TLE4: variants seen among roughly 807,000 people sequenced by gnomAD.
The protein encoded by TLE4 is TLE family member 4, transcriptional corepressor.
A neutral mutation model predicts 92.8 loss-of-function variants in TLE4; 8 were observed. The ratio of observed to expected loss-of-function variants is 0.09; its 90% CI spans 0.05 to 0.16. The LOEUF is 0.16. Ranked by LOEUF, TLE4 falls within the 10% of genes least tolerant of loss-of-function variation. The pLI, the probability that TLE4 is intolerant of heterozygous loss-of-function variation, is 1.00. For missense variants in TLE4, 675 were observed against 997.6 expected (o/e 0.68, Z 4.36); for synonymous variants, 371 against 374.1 (o/e 0.99, Z 0.10).
rs528525106 is a variant in TLE4, at chr9:79,674,110, G to A, written c.609+20035G>A. 1.8e-4 allele frequency among the ~76,000 whole-genome samples: 28 copies of A among 152,246 alleles called. 1 individual carries two copies. In the South Asian group the frequency reaches 5.4e-3, roughly 29 times the overall value. On this transcript the variant is annotated intron_variant, in intron 8 of 19. Coordinates refer to ENST00000376552, the MANE Select transcript of TLE4 (RefSeq NM_007005.6). ...GTTTATTGCTTTTCTCAATGTTTAA[G>A]GAAAACCACTAGAAGGCTGCTTAGT...
Position 79,708,231 on chromosome 9 carries a change from A to G in TLE4, c.1050A>G (p.Pro350=), listed in dbSNP as rs768543489. 3 of 1,613,924 alleles carry G rather than the reference A, an allele frequency of 1.9e-6. No individual in the cohort carries two copies. Among genetic ancestry groups the G allele is most frequent in the African/African-American group, 2.7e-5 (2 of 74,880 alleles). The part of the protein sequence containing the change: ...TPGLRPVPGK[P]PGVDPLASSL... ...GATTGAGGCCTGTACCTGGAAAACCACCAGGAGTTGACCCTTTGGGTTAGT... is the reference window on the plus strand; with the variant it reads ...GATTGAGGCCTGTACCTGGAAAACCGCCAGGAGTTGACCCTTTGGGTTAGT... Residue 350 remains proline (P), a synonymous_variant, in exon 12 of 20, where the codon CCA becomes CCG. Coordinates refer to ENST00000376552, the MANE Select transcript of TLE4 (RefSeq NM_007005.6).
chr9:79,607,134 AT>A (rs2047209087), intron 4 of TLE4, among the ~76,000 whole-genome samples: 1 of 152,022 alleles, frequency 6.6e-6, no homozygotes, highest in South Asian at 2.1e-4. Context: ...AGTGATGAGC[AT>A]TTTTTCATAT....
chr9:79,709,651 G>C lies in TLE4; in HGVS notation c.1292G>C (p.Arg431Pro). 1 of 1,614,040 alleles carries C rather than the reference G, an allele frequency of 6.2e-7. No individual in the cohort carries two copies. Among genetic ancestry groups the C allele is most frequent in the Non-Finnish European group, 8.5e-7 (1 of 1,179,982 alleles). The change falls in exon 14 of 20, where the codon CGT becomes CCT. Residue 431 changes from arginine to proline, a missense_variant. Transcript: ENST00000376552. ...VVGFDPHHHM[R>P]VPAIPPNLTG... The stretch of plus-strand genomic sequence containing the variant: ...GGATTTGATCCACACCATCACATGC[G>C]TGTGCCAGCAATACCTCCAAACCTG...
chr9:79,711,193 T>TC (rs2073190279), intron 14 of TLE4, among the ~76,000 whole-genome samples: 1 of 152,224 alleles, frequency 6.6e-6, no homozygotes, highest in South Asian at 2.1e-4. Flanking sequence ...CAGTGCTGGC[T>TC]CCACAGCCAA....
At chr9:79,631,735 G>A (rs1036135666) in intron 6 of TLE4, among the ~76,000 whole-genome samples, 8 of 148,270 alleles carry the variant, frequency 5.4e-5, no homozygotes, top group African/African-American at 2.0e-4. Context: ...CTTCTTTTCC[G>A]TTATAGATTT....
intron 6 of TLE4, among the ~76,000 whole-genome samples, chr9:79,651,146 C>T (rs114180470): frequency 0.011 from 1,673 of 151,952 alleles, 38 homozygotes; most frequent in African/African-American, 0.038. Flanking sequence ...TTGGCTATCA[C>T]AGGTTAGGCC....
chr9:79,647,145 C>T (rs2058224526), intron 6 of TLE4, among the ~76,000 whole-genome samples: 1 of 152,052 alleles, frequency 6.6e-6, no homozygotes, highest in Non-Finnish European at 1.5e-5. Context: ...CATAAAGTCT[C>T]TAGTTTGGTG....
intron 8 of TLE4, among the ~76,000 whole-genome samples, chr9:79,656,508 A>G (rs967723252): frequency 7.2e-5 from 11 of 152,204 alleles, no homozygotes; most frequent in African/African-American, 2.7e-4. Context: ...CCATCTGTCA[A>G]AAGGAAATTT....
At chr9:79,661,251 A>G (rs1303805585) in intron 8 of TLE4, among the ~76,000 whole-genome samples, 1 of 152,198 alleles carries the variant, frequency 6.6e-6, no homozygotes, top group Non-Finnish European at 1.5e-5. Context: ...TTACAGTAAC[A>G]CTAACCCCAC....
chr9:79,649,259 GACAT>G (rs1164642909), intron 6 of TLE4, among the ~76,000 whole-genome samples: 88 of 109,736 alleles, frequency 8.0e-4, no homozygotes, highest in African/African-American at 2.7e-3. Flanking sequence ...GACAGGGACG[GACAT>G]ACATACATAC....
chr9:79,687,563 C>T (rs932124563), intron 8 of TLE4, among the ~76,000 whole-genome samples: 3 of 152,208 alleles, frequency 2.0e-5, no homozygotes. Context: ...TCTCAGCCTA[C>T]ATCAAATATA....
intron 8 of TLE4, among the ~76,000 whole-genome samples, chr9:79,672,868 A>G (rs907195248): frequency 6.6e-6 from 1 of 152,216 alleles, no homozygotes; most frequent in Non-Finnish European, 1.5e-5. Flanking sequence ...GAAGGACCAG[A>G]TAAAGTGGAA....
intron 6 of TLE4, among the ~76,000 whole-genome samples, chr9:79,629,080 TAGGAG>T (rs1251101986): frequency 6.6e-6 from 1 of 152,174 alleles, no homozygotes; most frequent in Non-Finnish European, 1.5e-5. Flanking sequence ...TGATCCCTGA[TAGGAG>T]AGGTTGCTGG....
chr9:79,708,018 C>T, intron 11 of TLE4, 100 bp from the exon 12 acceptor site: 15 of 1,267,386 alleles, frequency 1.2e-5, no homozygotes, highest in Non-Finnish European at 1.6e-5. Context: ...GAACCTCTTC[C>T]ATTTCTTTTC....
intron 4 of TLE4, among the ~76,000 whole-genome samples, chr9:79,600,523 T>G (rs1007125036): frequency 1.3e-5 from 2 of 152,128 alleles, no homozygotes; most frequent in Non-Finnish European, 2.9e-5. Context: ...AGTAAAAACT[T>G]CCTAATAATT....
At position 79,725,167 on chromosome 9, in the gene TLE4, G is replaced by A; in HGVS notation, c.*23G>A. On this transcript the variant is annotated 3_prime_UTR_variant, in exon 20 of 20. Coordinates refer to ENST00000376552, the MANE Select transcript of TLE4 (RefSeq NM_007005.6). ...TAAAGACAAATCTTCATGCAGACTG[G>A]ACTTCTCCTCCTGGTAGCACTTTGC... is the stretch of plus-strand genomic sequence containing the variant. The A allele has an allele frequency of 6.4e-7, 1 of 1,554,268 alleles. No homozygotes were observed. The highest frequency in any genetic ancestry group is 1.7e-5 in the Admixed American group (1 of 59,860).
At chr9:79,655,091 GA>G (rs1350009807) in intron 8 of TLE4, among the ~76,000 whole-genome samples, 1 of 152,154 alleles carries the variant, frequency 6.6e-6, no homozygotes, top group Non-Finnish European at 1.5e-5. Context: ...GCAGTGAGCC[GA>G]GATCATGCCA....
intron 4 of TLE4, among the ~76,000 whole-genome samples, chr9:79,609,022 A>C (rs1369530271): frequency 6.6e-6 from 1 of 152,102 alleles, no homozygotes; most frequent in African/African-American, 2.4e-5. Context: ...AAAATTTGTT[A>C]TGTGATAAAG....
In TLE4 at chr9:79,652,794, G is replaced by A; in HGVS notation, c.592G>A (p.Asp198Asn). 6.2e-7 allele frequency: 1 copy of A among 1,614,022 alleles called. No individual in the cohort carries two copies. The highest frequency in any genetic ancestry group is 8.5e-7 in the Non-Finnish European group (1 of 1,179,952). ...GCACCATGACAATGATCACCAAAGA[G>A]GTGAGTAACTCTCTTGGAATGCCAA... ...KKHHDNDHQR[D>N]RDSIKSSSVS... Residue 198 changes from aspartate to asparagine, a missense_variant and splice_region_variant, in exon 7 of 20, where the codon GAC becomes AAC. Physicochemically the swap from Asp to Asn is conservative, Grantham distance 23 (BLOSUM62 1). Coordinates refer to ENST00000376552, the MANE Select transcript of TLE4 (RefSeq NM_007005.6).
Sources: gnomAD v4.1 joint callset for allele counts (sites outside exome capture counted in the v4.1 genomes callset) on GRCh38, gnomAD v4.1.1 for gene constraint, MANE v1.5 for transcripts, NCBI Gene and HGNC (gene_info 2026-07-23, HGNC 2026-07-21) for gene names.